Variants in ADAMTS3 observed in about 807,000 individuals in gnomAD.
ADAMTS3 encodes A disintegrin and metalloproteinase with thrombospondin motifs 3.
In ADAMTS3, 73 loss-of-function variants were observed where a neutral mutation model predicts 129.0. The ratio of observed to expected loss-of-function variants is 0.57; its 90% CI spans 0.47 to 0.69. ADAMTS3 has a LOEUF of 0.69. Among genes scored for constraint, ADAMTS3 ranks in the 30% least tolerant of loss-of-function variants. The probability of loss-of-function intolerance (pLI) is 0.00; values close to 1 mark genes in which losing one functional copy is unlikely to be tolerated. For synonymous variants in ADAMTS3, 477 were observed against 510.8 expected, an observed-to-expected ratio of 0.93 and a Z score of 0.89; for missense variants, 1,457 against 1,514.5, an observed-to-expected ratio of 0.96 and a Z score of 0.63.
At chr4:72,316,440 C>G (rs747947326) in intron 10 of ADAMTS3, among the ~76,000 whole-genome samples, 1 of 152,012 alleles carries the variant, frequency 6.6e-6, no homozygotes, top group Non-Finnish European at 1.5e-5. Flanking sequence ...AATCCCAGCA[C>G]TTTGGGAGGC....
intron 15 of ADAMTS3, 84 bp from the exon 16 acceptor site, chr4:72,306,151 T>C: frequency 5.4e-6 from 5 of 926,544 alleles, no homozygotes; most frequent in Non-Finnish European, 8.0e-6. Flanking sequence ...ACATTCTTAC[T>C]GCTTCTGCGT....
intron 5 of ADAMTS3, among the ~76,000 whole-genome samples, chr4:72,338,869 T>C (rs1047031955): frequency 2.0e-5 from 3 of 152,164 alleles, no homozygotes; most frequent in Non-Finnish European, 4.4e-5. Flanking sequence ...TTTCAGGATA[T>C]TGACAAAATT....
intron 2 of ADAMTS3, among the ~76,000 whole-genome samples, chr4:72,553,944 A>T (rs1721703081): frequency 6.6e-6 from 1 of 152,140 alleles, no homozygotes; most frequent in Non-Finnish European, 1.5e-5. Context: ...TAGGCAGTCA[A>T]GAAGGGTATT....
At chr4:72,430,513 A>G (rs1722671777) in intron 3 of ADAMTS3, among the ~76,000 whole-genome samples, 1 of 151,976 alleles carries the variant, frequency 6.6e-6, no homozygotes, top group South Asian at 2.1e-4. Flanking sequence ...ATTCACTCCC[A>G]GTCAGTTGAG....
intron 21 of ADAMTS3, among the ~76,000 whole-genome samples, chr4:72,288,449 A>T (rs1718567925): frequency 6.6e-6 from 1 of 152,176 alleles, no homozygotes; most frequent in Non-Finnish European, 1.5e-5. Flanking sequence ...AACAAGGAAA[A>T]ATTAAGTGGT....
rs1164787263 is a variant in ADAMTS3 at position 72,282,512 on chromosome 4, T to C, written c.*624A>G. On this transcript the variant is annotated 3_prime_UTR_variant, in exon 22 of 22. Coordinates refer to ENST00000286657, the MANE Select transcript of ADAMTS3 (RefSeq NM_014243.3). ...TGTAATTCTAACTTCTCTTTTGTAA[T>C]ACTCTGCTTTGAAAATTAACCTATA... The C allele has an allele frequency of 2.0e-5, 3 of 152,652 alleles. No individual in the cohort carries two copies. The highest frequency in any genetic ancestry group is 4.8e-5 in the African/African-American group (2 of 41,462). The allele number at this position is 152,652 out of a possible 1,614,324, so 9.5% of individuals were successfully genotyped here.
intron 3 of ADAMTS3, among the ~76,000 whole-genome samples, chr4:72,548,004 G>A (rs1578784879): frequency 6.6e-6 from 1 of 152,172 alleles, no homozygotes; most frequent in African/African-American, 2.4e-5. Flanking sequence ...GACAAATTCT[G>A]ACAGAGAATC....
intron 5 of ADAMTS3, among the ~76,000 whole-genome samples, chr4:72,338,594 G>A (rs1167488054): frequency 1.3e-5 from 2 of 150,654 alleles, no homozygotes; most frequent in East Asian, 3.9e-4. Context: ...AAGCATGGGG[G>A]AAAGAGGTAA....
intron 4 of ADAMTS3, among the ~76,000 whole-genome samples, chr4:72,383,641 G>T (rs943236731): frequency 3.3e-5 from 5 of 152,082 alleles, no homozygotes; most frequent in Admixed American, 2.6e-4. Flanking sequence ...AATGCAGAGG[G>T]GTTACAGTTT....
intron 15 of ADAMTS3, among the ~76,000 whole-genome samples, 157 bp downstream of exon 15, chr4:72,309,240 T>A (rs1719165095): frequency 6.6e-6 from 1 of 151,972 alleles, no homozygotes; most frequent in Admixed American, 6.6e-5. Flanking sequence ...TTTCTTTTTT[T>A]TTTTTAAGTT....
chr4:72,485,856 AT>A (rs1453867467), intron 3 of ADAMTS3, among the ~76,000 whole-genome samples: 1 of 152,208 alleles, frequency 6.6e-6, no homozygotes, highest in East Asian at 1.9e-4. Context: ...TAGTGCCCTT[AT>A]AAAAGAGGCT....
In ADAMTS3 at chr4:72,323,063, A is replaced by T. The variant is rs754413895; in HGVS notation, c.896T>A (p.Val299Glu). Residue 299 changes from valine (V) to glutamate (E), a missense_variant, in exon 6 of 22, where the codon GTG becomes GAG. Transcript: ENST00000286657. ...GCGCACCAGGACCACATTTATATGC[A>T]CTCCGAGGGACTCATCATGGTAAAT... ...NEIYHDESLG[V>E]HINVVLVRMI... 2 of 1,613,514 alleles carry T rather than the reference A, an allele frequency of 1.2e-6. No homozygotes were observed. Among genetic ancestry groups the T allele is most frequent in the Admixed American group, 3.3e-5 (2 of 59,998 alleles).
chr4:72,399,182 C>A (rs1283047933), intron 4 of ADAMTS3, among the ~76,000 whole-genome samples: 3 of 152,136 alleles, frequency 2.0e-5, no homozygotes, highest in Non-Finnish European at 4.4e-5. Context: ...AGAATCTGAG[C>A]ACTTTGTGAG....
chr4:72,432,273 C>G (rs1722719766), intron 3 of ADAMTS3, among the ~76,000 whole-genome samples: 1 of 151,880 alleles, frequency 6.6e-6, no homozygotes, highest in Admixed American at 6.6e-5. Flanking sequence ...ATCCTCCATG[C>G]CACATAATGG....
chr4:72,288,783 G>C lies in ADAMTS3; in HGVS notation c.3017C>G (p.Ser1006Trp). 4 of 1,613,794 alleles carry C rather than the reference G, an allele frequency of 2.5e-6. No individual in the cohort carries two copies. Among genetic ancestry groups the C allele is most frequent in the Non-Finnish European group, 3.4e-6 (4 of 1,179,802 alleles). ...AGGAGGCAGTTGACAGGCTCTGACC[G>C]ACTCAGGCTTTTCACCATCACAGTG... ...GDHCDGEKPE[S>W]VRACQLPPCN... Residue 1006 changes from serine to tryptophan, a missense_variant, in exon 21 of 22, where the codon TCG becomes TGG. Coordinates refer to ENST00000286657, the MANE Select transcript of ADAMTS3 (RefSeq NM_014243.3).
chr4:72,330,159 C>T (rs1719808263), intron 5 of ADAMTS3, among the ~76,000 whole-genome samples: 1 of 152,102 alleles, frequency 6.6e-6, no homozygotes, highest in Non-Finnish European at 1.5e-5. Context: ...GCTGGGATTA[C>T]AGGTGCACAC....
In ADAMTS3 at chr4:72,469,725, C is replaced by G. The variant is rs114747345; in HGVS notation, c.505-54754G>C. Among the ~76,000 whole-genome samples, 1,333 of 152,168 alleles carry G rather than the reference C, an allele frequency of 8.8e-3. 27 individuals are homozygous for G. Among genetic ancestry groups the G allele is most frequent in the African/African-American group, 0.031 (1,272 of 41,520 alleles). ...CAACCCCTCCTCCTCCGCCTCCTCT[C>G]CCTTAGCCTATTCACTGTGAGGACA... On this transcript the variant is annotated intron_variant, in intron 3 of 21. Transcript: ENST00000286657.
At chr4:72,452,370 G>A (rs72852089) in intron 3 of ADAMTS3, among the ~76,000 whole-genome samples, 1 of 151,362 alleles carries the variant, frequency 6.6e-6, no homozygotes, top group Middle Eastern at 3.2e-3. Context: ...CATATTTAGG[G>A]TATTGCTTTC....
At chr4:72,465,078 A>AT (rs1718883698) in intron 3 of ADAMTS3, among the ~76,000 whole-genome samples, 1 of 152,006 alleles carries the variant, frequency 6.6e-6, no homozygotes, top group Non-Finnish European at 1.5e-5. Context: ...TAATAAGTAA[A>AT]TAAATAAACA....
Sources: allele counts gnomAD v4.1 joint callset (sites outside exome capture counted in the v4.1 genomes callset), GRCh38; gene constraint gnomAD v4.1.1; transcripts MANE v1.5; gene names NCBI Gene and HGNC (gene_info 2026-07-23, HGNC 2026-07-21).